GTPBP1: variants seen among roughly 807,000 people sequenced by gnomAD.
The protein encoded by GTPBP1 is GTP-binding protein 1.
A neutral mutation model predicts 62.0 loss-of-function variants in GTPBP1; 23 were observed. The observed-to-expected ratio is 0.37, with a 90% CI of 0.27 to 0.53. GTPBP1 has a LOEUF of 0.53. Ranked by LOEUF, GTPBP1 falls within the 20% of genes least tolerant of loss-of-function variation. The probability of loss-of-function intolerance (pLI) is 0.89; values close to 1 mark genes in which losing one functional copy is unlikely to be tolerated. For synonymous variants in GTPBP1, 344 were observed against 364.4 expected, an observed-to-expected ratio of 0.94 and a Z score of 0.64; for missense variants, 640 against 917.3, an observed-to-expected ratio of 0.70 and a Z score of 3.90.
chr22:38,715,221 C>A (rs2092662860), intron 2 of GTPBP1, among the ~76,000 whole-genome samples: 1 of 152,200 alleles, frequency 6.6e-6, no homozygotes, highest in South Asian at 2.1e-4. Flanking sequence ...TCATGTTACT[C>A]CCCTGCCTCA....
chr22:38,723,474 C>G (rs2092711489), intron 5 of GTPBP1: 2 of 917,480 alleles, frequency 2.2e-6, no homozygotes, highest in Non-Finnish European at 3.5e-6. Flanking sequence ...GCAGCCGATG[C>G]TCAGAGTAGC....
intron 2 of GTPBP1, among the ~76,000 whole-genome samples, chr22:38,711,489 A>G (rs747773625): frequency 6.6e-6 from 1 of 152,210 alleles, no homozygotes; most frequent in Non-Finnish European, 1.5e-5. Flanking sequence ...CATAAATGTT[A>G]GCTAATATTA....
chr22:38,726,525 C>A lies in GTPBP1; in HGVS notation c.1401+85C>A. On this transcript the variant is annotated intron_variant, in intron 8 of 11. Coordinates refer to ENST00000216044, the MANE Select transcript of GTPBP1 (RefSeq NM_004286.5). This position sits in a 1 kb window ranked among gnomAD's most constrained non-coding sequence, Gnocchi z 4.1. ...GATGCCCTGCTCACCCACTCTAGTC[C>A]TCATGGCTGCTCTGCAAGGTCGGGA... 8.9e-7 allele frequency: 1 copy of A among 1,126,278 alleles called. No individual in the cohort carries two copies. 69.8% of individuals were successfully genotyped at this position (1,126,278 alleles called of 1,614,324 possible).
In GTPBP1 at chr22:38,716,363, A is replaced by G. The variant is rs542903770; in HGVS notation, c.485+276A>G. The G allele has an allele frequency of 3.4e-6, 2 of 585,312 alleles. No homozygotes were observed. Among genetic ancestry groups the G allele is most frequent in the African/African-American group, 3.7e-5 (2 of 53,686 alleles). 36.3% of individuals were successfully genotyped at this position (585,312 alleles called of 1,614,324 possible). A position where few individuals can be genotyped will look rare whatever the true frequency, so the allele number is the denominator to read the frequency against. On this transcript the variant is annotated intron_variant, in intron 3 of 11. Coordinates refer to ENST00000216044, the MANE Select transcript of GTPBP1 (RefSeq NM_004286.5). This position sits in a 1 kb window ranked among gnomAD's most constrained non-coding sequence, Gnocchi z 5.2. ...GAGCCTGGAAACCAGGGTCATGGAGAAGAGCCTTTTGTGCCTCTGGTAGCC... is the reference window on the plus strand; with the variant it reads ...GAGCCTGGAAACCAGGGTCATGGAGGAGAGCCTTTTGTGCCTCTGGTAGCC...
chr22:38,716,576 A>G lies in GTPBP1; in HGVS notation c.486-76A>G. 1 of 1,070,462 alleles carries G rather than the reference A, an allele frequency of 9.3e-7. No homozygotes were observed. The highest frequency in any genetic ancestry group is 1.4e-6 in the Non-Finnish European group (1 of 722,124). The allele number at this position is 1,070,462 out of a possible 1,614,324, so 66.3% of individuals were successfully genotyped here. ...CAAGCCTGGACTTGCGGATCCAATT[A>G]CTGGGGTTATGATGGTCGCTCCACC... On this transcript the variant is annotated intron_variant, in intron 3 of 11. Transcript: ENST00000216044. This position sits in a 1 kb window ranked among gnomAD's most constrained non-coding sequence, Gnocchi z 5.2.
chr22:38,710,998 T>G (rs2092635863), intron 2 of GTPBP1, among the ~76,000 whole-genome samples: 1 of 152,190 alleles, frequency 6.6e-6, no homozygotes, highest in Non-Finnish European at 1.5e-5. Flanking sequence ...ACCAGTTGGA[T>G]GCTATTAGAT....
chr22:38,723,457 A>T, intron 5 of GTPBP1: 1 of 1,070,398 alleles, frequency 9.3e-7, no homozygotes, highest in Admixed American at 2.0e-5. Context: ...TGGCACTCAC[A>T]TGTCGGGCAG....
downstream of GTPBP1, chr22:38,742,262 TGTCACCC>T (rs2092864792): frequency 3.2e-6 from 5 of 1,554,468 alleles, no homozygotes; most frequent in African/African-American, 2.7e-5. Flanking sequence ...TTCCTATGGG[TGTCACCC>T]ACCTCCCACC....
At chr22:38,719,652 A>G (rs1368355234) in intron 4 of GTPBP1, among the ~76,000 whole-genome samples, 3 of 149,964 alleles carry the variant, frequency 2.0e-5, no homozygotes, top group Non-Finnish European at 4.4e-5. Flanking sequence ...TGGCTGAATC[A>G]CTTAAAAATA....
chr22:38,713,562 G>C (rs147154932), intron 2 of GTPBP1, among the ~76,000 whole-genome samples: 62 of 152,290 alleles, frequency 4.1e-4, no homozygotes, highest in African/African-American at 1.4e-3. Context: ...GAGGAGACTG[G>C]TGGCTAGAGA....
downstream of GTPBP1, chr22:38,735,541 GGA>G (rs2092797035): frequency 4.1e-6 from 1 of 243,788 alleles, no homozygotes; most frequent in Admixed American, 5.2e-5. Flanking sequence ...CCTAGCATCA[GGA>G]GAGAGAAAAG....
chr22:38,730,814 C>G lies in GTPBP1; in HGVS notation c.*110C>G. On this transcript the variant is annotated 3_prime_UTR_variant, in exon 12 of 12. Coordinates refer to ENST00000216044, the MANE Select transcript of GTPBP1 (RefSeq NM_004286.5). The surrounding 1 kb of genome is among the most constrained non-coding windows in gnomAD (Gnocchi z 5.6). ...CCACCCAGCCCTCCCGCTCAGGCCA[C>G]AGCCGGAGCCTCCGCATTGCCCCCA... The G allele has an allele frequency of 1.6e-6, 1 of 612,672 alleles. No homozygotes were observed. Among genetic ancestry groups the G allele is most frequent in the Non-Finnish European group, 2.8e-6 (1 of 359,228 alleles). 38.0% of individuals were successfully genotyped at this position (612,672 alleles called of 1,614,324 possible). A position where few individuals can be genotyped will look rare whatever the true frequency, so the allele number is the denominator to read the frequency against.
rs577337522 is a variant in GTPBP1 at position 38,730,307 on chromosome 22, G to A, written c.1918-305G>A. ...CTCCCATGGGTCTTTCCTCTGGTTCGTTCGCTTCCTTTCTCTCTCTCCTGC... is the reference window on the plus strand; with the variant it reads ...CTCCCATGGGTCTTTCCTCTGGTTCATTCGCTTCCTTTCTCTCTCTCCTGC... On this transcript the variant is annotated intron_variant, in intron 11 of 11. Coordinates refer to ENST00000216044, the MANE Select transcript of GTPBP1 (RefSeq NM_004286.5). This position sits in a 1 kb window ranked among gnomAD's most constrained non-coding sequence, Gnocchi z 5.6. 2.6e-5 allele frequency among the ~76,000 whole-genome samples: 4 copies of A among 152,266 alleles called. No individual in the cohort carries two copies. The highest frequency in any genetic ancestry group is 4.8e-5 in the African/African-American group (2 of 41,544).
chr22:38,734,493 A>G, downstream of GTPBP1: 1 of 327,996 alleles, frequency 3.0e-6, no homozygotes. Flanking sequence ...TATCAATGAC[A>G]GCTAATAAAG....
At chr22:38,725,789 T>G in intron 6 of GTPBP1, 1 of 568,318 alleles carries the variant, frequency 1.8e-6, no homozygotes, top group Non-Finnish European at 3.2e-6. Context: ...GAGACAGAAC[T>G]GAGTGAGAGA....
Position 38,720,272 on chromosome 22 carries a change from T to G in GTPBP1, c.835-1470T>G, listed in dbSNP as rs1334700876. ...AGTCTCACTCTTGCCCAGGCTGGAG[T>G]GCAATGGCGCAATCTTGGCTCACTG... On this transcript the variant is annotated intron_variant, in intron 4 of 11. Transcript: ENST00000216044. 1.3e-5 allele frequency among the ~76,000 whole-genome samples: 2 copies of G among 151,704 alleles called. 1 individual carries two copies. The highest frequency in any genetic ancestry group is 3.9e-4 in the East Asian group (2 of 5,192).
intron 2 of GTPBP1, among the ~76,000 whole-genome samples, chr22:38,709,268 G>A (rs2092624410): frequency 6.6e-6 from 1 of 152,098 alleles, no homozygotes; most frequent in Non-Finnish European, 1.5e-5. Flanking sequence ...CTCCAGCCTA[G>A]GCGACAAGAG....
intron 10 of GTPBP1, chr22:38,728,752 C>T (rs996457217): frequency 6.4e-6 from 1 of 155,270 alleles, no homozygotes; most frequent in Non-Finnish European, 1.4e-5. Context: ...CACCCTGGGG[C>T]TACAGATGTC....
chr22:38,740,067 G>A, downstream of GTPBP1: 3 of 1,266,438 alleles, frequency 2.4e-6, no homozygotes, highest in Non-Finnish European at 2.2e-6. This position sits in a 1 kb window ranked among gnomAD's most constrained non-coding sequence, Gnocchi z 4.8. Context: ...GGAGGAAAGA[G>A]TTATGAACAC....
Sources: gnomAD v4.1 joint callset for allele counts (sites outside exome capture counted in the v4.1 genomes callset) on GRCh38, gnomAD v4.1.1 for gene constraint, Gnocchi (gnomAD v3.1) non-coding constraint, MANE v1.5 for transcripts, NCBI Gene and HGNC (gene_info 2026-07-23, HGNC 2026-07-21) for gene names.